HTR3C: variants seen among roughly 807,000 people sequenced by gnomAD.
HTR3C encodes 5-HT3-C.
A neutral mutation model predicts 40.5 loss-of-function variants in HTR3C; 32 were observed. The ratio of observed to expected loss-of-function variants is 0.79; its 90% CI spans 0.60 to 1.06. The LOEUF (loss-of-function observed/expected upper bound fraction) is 1.06, where lower values mean the gene tolerates loss of function less well. Among genes scored for constraint, HTR3C ranks in the 50% least tolerant of loss-of-function variants. The pLI is 0.00. For synonymous variants in HTR3C, 209 were observed against 217.1 expected, an observed-to-expected ratio of 0.96 and a Z score of 0.33; for missense variants, 523 against 556.8, an observed-to-expected ratio of 0.94 and a Z score of 0.61.
rs1723396456 is a variant in HTR3C, at chr3:184,059,468, C to T, written c.753C>T (p.Ile251=). 6.2e-7 allele frequency: 1 copy of T among 1,614,094 alleles called. No homozygotes were observed. The highest frequency in any genetic ancestry group is 1.7e-5 in the Admixed American group (1 of 60,002). ...VAIRRRPSLY[I]INLLVPSSFL... ...TCAGGCGCAGGCCAAGCCTCTACAT[C>T]ATAAACCTGCTGGTGCCCAGTAGCT... The change falls in exon 7 of 9, where the codon ATC becomes ATT. Residue 251 remains isoleucine (I), a synonymous_variant. Coordinates refer to ENST00000318351, the MANE Select transcript of HTR3C (RefSeq NM_130770.3).
chr3:184,055,711 TCACACACA>T (rs10561752), intron 3 of HTR3C, among the ~76,000 whole-genome samples: 4 of 145,420 alleles, frequency 2.8e-5, no homozygotes, highest in Non-Finnish European at 4.5e-5. Context: ...CGAAACTCCA[TCACACACA>T]CACACACACA....
Position 184,053,129 on chromosome 3 carries a change from G to A in HTR3C, c.49G>A (p.Val17Ile). 1 of 1,613,860 alleles carries A rather than the reference G, an allele frequency of 6.2e-7. No individual in the cohort carries two copies. The change falls in exon 1 of 9, where the codon GTC (valine) becomes ATC (isoleucine). Residue 17 changes from valine (V) to isoleucine (I), a missense_variant. Transcript: ENST00000318351. ...GCAGAGTGCCCTCCTCTGCCTCACT[G>A]TCAGTCTTCTGCTTCAAGGTAAGAT... is the stretch of plus-strand genomic sequence containing the variant. ...ARQSALLCLT[V>I]SLLLQGRGDA...
At chr3:184,054,335 A>G (rs975210685) in intron 1 of HTR3C, among the ~76,000 whole-genome samples, 2 of 152,176 alleles carry the variant, frequency 1.3e-5, no homozygotes, top group Non-Finnish European at 2.9e-5. Context: ...ATACATTAGC[A>G]TCGATTTTTA....
chr3:184,058,572 C>A lies in HTR3C; in HGVS notation c.705C>A (p.Asp235Glu). Reference sequence around the variant, plus strand: ...TGTCCATGGGCAACAACCTATATGACCAGATCATGTTTTATGTGAGTCCAG... The same window carrying A: ...TGTCCATGGGCAACAACCTATATGAACAGATCATGTTTTATGTGAGTCCAG... ...PKMSMGNNLY[D>E]QIMFYVAIRR... The change falls in exon 6 of 9, where the codon GAC (aspartate) becomes GAA (glutamate). Residue 235 changes from aspartate to glutamate, a missense_variant. Coordinates refer to ENST00000318351, the MANE Select transcript of HTR3C (RefSeq NM_130770.3). The A allele has an allele frequency of 6.2e-7, 1 of 1,612,132 alleles. No homozygotes were observed. Among genetic ancestry groups the A allele is most frequent in the East Asian group, 2.2e-5 (1 of 44,718 alleles).
chr3:184,059,737 G>T lies in HTR3C; in HGVS notation c.926-91G>T. 1.9e-6 allele frequency: 3 copies of T among 1,589,658 alleles called. No individual in the cohort carries two copies. In the South Asian group the frequency reaches 3.3e-5, roughly 18 times the overall value. ...GCTGCTCCACTGAAGGAAGGAAGGG[G>T]CTGTGAAAGAAGATTGGATTTAGGA... On this transcript the variant is annotated intron_variant, in intron 7 of 8. Coordinates refer to ENST00000318351, the MANE Select transcript of HTR3C (RefSeq NM_130770.3).
At chr3:184,055,274 T>C in intron 2 of HTR3C, 38 bp from the exon 3 acceptor site, 9 of 1,498,166 alleles carry the variant, frequency 6.0e-6, no homozygotes, top group Non-Finnish European at 8.4e-6. Context: ...GCCAAACCTT[T>C]TAACACTAAT....
Position 184,059,934 on chromosome 3 carries a change from T to G in HTR3C, c.1032T>G (p.Pro344=). The change falls in exon 8 of 9, where the codon CCT becomes CCG. Residue 344 remains proline, a synonymous_variant. Coordinates refer to ENST00000318351, the MANE Select transcript of HTR3C (RefSeq NM_130770.3). ...HVATTQPPPM[P]RWLHSLLLHC... ...CCACCACCCAGCCCCCACCCATGCCTAGGTGGCTTCACTCCCTGCTGCTCC... is the reference window on the plus strand; with the variant it reads ...CCACCACCCAGCCCCCACCCATGCCGAGGTGGCTTCACTCCCTGCTGCTCC... 1 of 1,613,762 alleles carries G rather than the reference T, an allele frequency of 6.2e-7. No homozygotes were observed. The highest frequency in any genetic ancestry group is 8.5e-7 in the Non-Finnish European group (1 of 1,179,976).
Position 184,060,450 on chromosome 3 carries a change from T to C in HTR3C, c.*98T>C, listed in dbSNP as rs757735159. The stretch of plus-strand genomic sequence containing the variant: ...CCTAATCTTAGCCACTTATCCCCAG[T>C]GACTACCATGTCCCCTTCTAAATTC... On this transcript the variant is annotated 3_prime_UTR_variant, in exon 9 of 9. Coordinates refer to ENST00000318351, the MANE Select transcript of HTR3C (RefSeq NM_130770.3). 365 of 1,438,172 alleles carry C rather than the reference T, an allele frequency of 2.5e-4. No homozygotes were observed. Among genetic ancestry groups the C allele is most frequent in the Non-Finnish European group, 3.4e-4 (346 of 1,027,954 alleles). The allele number at this position is 1,438,172 out of a possible 1,614,324, so 89.1% of individuals were successfully genotyped here.
At chr3:184,059,770 G>A (rs528943189) in intron 7 of HTR3C, 58 bp from the exon 8 acceptor site, 21 of 1,600,542 alleles carry the variant, frequency 1.3e-5, no homozygotes, top group South Asian at 7.7e-5. Context: ...GGAAAGAGGC[G>A]TGAGGAATGC....
At chr3:184,058,672 A>G in intron 6 of HTR3C, 85 bp downstream of exon 6, 2 of 1,491,664 alleles carry the variant, frequency 1.3e-6, no homozygotes, top group South Asian at 1.3e-5. Context: ...GGAAGCAAAA[A>G]AGAAGCTCCA....
chr3:184,056,382 A>G, intron 4 of HTR3C, 96 bp downstream of exon 4: 1 of 800,970 alleles, frequency 1.2e-6, no homozygotes, highest in Admixed American at 1.9e-5. Flanking sequence ...AGATTCAGAC[A>G]GGCACACAGT....
chr3:184,053,113 C>T lies in HTR3C; in HGVS notation c.33C>T (p.Ala11=). 1 of 1,613,754 alleles carries T rather than the reference C, an allele frequency of 6.2e-7. No homozygotes were observed. Among genetic ancestry groups the T allele is most frequent in the Non-Finnish European group, 8.5e-7 (1 of 1,179,712 alleles). ...GAGGGTGGCCTGCAAGGCAGAGTGC[C>T]CTCCTCTGCCTCACTGTCAGTCTTC... The part of the protein sequence containing the change: MEGGWPARQS[A]LLCLTVSLLL... Residue 11 remains alanine (A), a synonymous_variant, in exon 1 of 9, where the codon GCC becomes GCT. Coordinates refer to ENST00000318351, the MANE Select transcript of HTR3C (RefSeq NM_130770.3).
chr3:184,058,411 C>A lies in HTR3C; in HGVS notation c.560-16C>A, dbSNP rs1453718560. On this transcript the variant is annotated splice_polypyrimidine_tract_variant and intron_variant, in intron 5 of 8. Coordinates refer to ENST00000318351, the MANE Select transcript of HTR3C (RefSeq NM_130770.3). ...TGGGAAAACGTCTGCAATGAACTGA[C>A]CGGCCTCCCTTCCAGTGGACAGCAT... 4 of 1,588,776 alleles carry A rather than the reference C, an allele frequency of 2.5e-6. No homozygotes were observed. The African/African-American group carries it at 5.5e-5, about 22-fold the overall frequency.
intron 5 of HTR3C, among the ~76,000 whole-genome samples, chr3:184,057,806 C>T (rs145709241): frequency 1.3e-5 from 2 of 152,282 alleles, no homozygotes; most frequent in East Asian, 3.9e-4. Context: ...CCCCAGATGC[C>T]GATTAAATTG....
intron 3 of HTR3C, among the ~76,000 whole-genome samples, chr3:184,055,636 C>A (rs1723307270): frequency 6.6e-6 from 1 of 151,590 alleles, no homozygotes; most frequent in Non-Finnish European, 1.5e-5. Context: ...ATTGCTTGAA[C>A]CGGGGAGGCA....
chr3:184,056,425 G>C, intron 4 of HTR3C, 139 bp downstream of exon 4: 1 of 657,258 alleles, frequency 1.5e-6, no homozygotes, highest in Non-Finnish European at 2.7e-6. Context: ...ATCACTACGA[G>C]TAGAAGAGGC....
At chr3:184,059,376 A>T (rs1480436293) in intron 6 of HTR3C, 60 bp from the exon 7 acceptor site, 39 of 1,452,848 alleles carry the variant, frequency 2.7e-5, no homozygotes, top group Non-Finnish European at 3.7e-5. Context: ...TAGGGGTCAG[A>T]TATACAAATT....
intron 4 of HTR3C, 45 bp downstream of exon 4, chr3:184,056,331 G>A (rs778212540): frequency 4.0e-5 from 53 of 1,335,112 alleles, no homozygotes; most frequent in East Asian, 1.8e-4. Flanking sequence ...CTCATCTGCC[G>A]AGAACAGCCT....
chr3:184,059,549 T>C lies in HTR3C; in HGVS notation c.834T>C (p.Arg278=). ...SFYLPAESEN[R]APFKITLLLG... The stretch of plus-strand genomic sequence containing the variant: ...ACCTGCCAGCAGAGAGCGAGAATCG[T>C]GCCCCATTCAAGATAACACTTCTGC... Residue 278 remains arginine (R), a synonymous_variant, in exon 7 of 9, where the codon CGT becomes CGC. Transcript: ENST00000318351. The C allele has an allele frequency of 6.2e-7, 1 of 1,614,168 alleles. No individual in the cohort carries two copies. The highest frequency in any genetic ancestry group is 8.5e-7 in the Non-Finnish European group (1 of 1,180,032).
Sources: allele counts gnomAD v4.1 joint callset (sites outside exome capture counted in the v4.1 genomes callset), GRCh38; gene constraint gnomAD v4.1.1; transcripts MANE v1.5; gene names NCBI Gene and HGNC (gene_info 2026-07-23, HGNC 2026-07-21).